FAM50B: variants seen among roughly 807,000 people sequenced by gnomAD.
FAM50B encodes protein FAM50B.
A neutral mutation model predicts 25.4 loss-of-function variants in FAM50B; 9 were observed. The observed-to-expected ratio is 0.35, with a 90% CI of 0.21 to 0.62. The LOEUF is 0.62. FAM50B is among the 20% of genes least tolerant of loss of function. FAM50B has a pLI of 0.73. For missense variants in FAM50B, 372 were observed against 477.9 expected, an observed-to-expected ratio of 0.78 and a Z score of 2.07; for synonymous variants, 212 against 204.3, an observed-to-expected ratio of 1.04 and a Z score of -0.32.
chr6:3,843,466 A>C, the FAM50B span, among the ~76,000 whole-genome samples: 1 of 152,244 alleles, frequency 6.6e-6, no homozygotes, highest in African/African-American at 2.4e-5. Context: ...ATGAAAGAAA[A>C]AAATGAGGTC....
At chr6:3,849,754 C>T in intron 1 of FAM50B, 35 bp from the exon 2 acceptor site, 11 of 1,528,552 alleles carry the variant, frequency 7.2e-6, no homozygotes, top group South Asian at 1.3e-5. Context: ...GCGTGGGCCC[C>T]CCTCTACCTG....
upstream of FAM50B, among the ~76,000 whole-genome samples, chr6:3,849,146 C>T (rs1762161914): frequency 6.6e-6 from 1 of 152,156 alleles, no homozygotes; most frequent in South Asian, 2.1e-4. Flanking sequence ...AACAGGAGCC[C>T]CGGCCAGCCA....
At chr6:3,841,937 T>A in the FAM50B span, among the ~76,000 whole-genome samples, 1 of 152,352 alleles carries the variant, frequency 6.6e-6, no homozygotes, top group East Asian at 1.9e-4. Context: ...TTCTGCCAGG[T>A]GCTCAGTGTT....
the FAM50B span, among the ~76,000 whole-genome samples, chr6:3,841,511 A>C: frequency 3.3e-5 from 5 of 152,218 alleles, no homozygotes; most frequent in African/African-American, 1.2e-4. Flanking sequence ...CATAGAGTCA[A>C]ACAGCACATT....
rs997731871 is a variant in FAM50B, at chr6:3,850,338, A to G, written c.527A>G (p.Gln176Arg). Residue 176 changes from glutamine to arginine, a missense_variant, in exon 2 of 2, where the codon CAG becomes CGG. Gln to Arg is a conservative substitution (Grantham distance 43). Around this residue, in one of 4 missense-constraint regions of FAM50B, gnomAD observed 224 missense variants for 232.2 expected, o/e 0.96. Transcript: ENST00000648326. The stretch of plus-strand genomic sequence containing the variant: ...GAGCTGCGCCAAGAGTGGGAGGCGC[A>G]GCGCGAGAAAGTGAAGGACGAGGAG... ...REELRQEWEA[Q>R]REKVKDEEME... is the part of the protein sequence containing the mutation. 1.9e-6 allele frequency: 3 copies of G among 1,613,176 alleles called. No individual in the cohort carries two copies. The highest frequency in any genetic ancestry group is 2.7e-5 in the African/African-American group (2 of 74,936).
the FAM50B span, among the ~76,000 whole-genome samples, chr6:3,832,491 T>C: frequency 6.6e-6 from 1 of 152,242 alleles, no homozygotes; most frequent in Non-Finnish European, 1.5e-5. Context: ...AGAATGCCTC[T>C]TCTCACTGCC....
the FAM50B span, among the ~76,000 whole-genome samples, chr6:3,838,211 C>G: frequency 6.6e-6 from 1 of 151,990 alleles, no homozygotes; most frequent in Non-Finnish European, 1.5e-5. Flanking sequence ...TTTGGGAGGC[C>G]AAGGCAGGAG....
chr6:3,837,202 C>T, the FAM50B span, among the ~76,000 whole-genome samples: 1 of 152,110 alleles, frequency 6.6e-6, no homozygotes, highest in Non-Finnish European at 1.5e-5. Flanking sequence ...ATATCAAAAG[C>T]ATGATCCATA....
At chr6:3,841,085 G>T in the FAM50B span, among the ~76,000 whole-genome samples, 1 of 152,212 alleles carries the variant, frequency 6.6e-6, no homozygotes, top group African/African-American at 2.4e-5. Flanking sequence ...ATACAAGTCT[G>T]CAGATAGTTA....
the FAM50B span, among the ~76,000 whole-genome samples, chr6:3,832,667 C>A: frequency 6.6e-5 from 10 of 152,112 alleles, no homozygotes; most frequent in Non-Finnish European, 1.5e-4. Flanking sequence ...GTTTTCCCCA[C>A]CCCACAGTTC....
chr6:3,836,622 TAG>T, the FAM50B span, among the ~76,000 whole-genome samples: 1 of 152,250 alleles, frequency 6.6e-6, no homozygotes, highest in Non-Finnish European at 1.5e-5. Context: ...GGCTGTGTGT[TAG>T]TAGACTCTCG....
upstream of FAM50B, among the ~76,000 whole-genome samples, chr6:3,847,401 T>C (rs1273415129): frequency 6.6e-6 from 1 of 152,276 alleles, no homozygotes; most frequent in Non-Finnish European, 1.5e-5. Flanking sequence ...TTGCACTTTA[T>C]GTTATAGAGG....
the FAM50B span, among the ~76,000 whole-genome samples, chr6:3,843,043 A>T: frequency 6.6e-6 from 1 of 152,334 alleles, no homozygotes; most frequent in South Asian, 2.1e-4. Flanking sequence ...CATTCTATTT[A>T]TAATTAGGAT....
upstream of FAM50B, among the ~76,000 whole-genome samples, chr6:3,848,172 C>T (rs1762143749): frequency 6.6e-6 from 1 of 152,226 alleles, no homozygotes; most frequent in African/African-American, 2.4e-5. Flanking sequence ...CCAGTAGGCG[C>T]TTGACGCTGT....
rs370896067 is a variant in FAM50B at position 3,850,278 on chromosome 6, G to A, written c.467G>A (p.Arg156His). ...PDVDTSFLPDRDREEEENRLR... is the reference protein window; with the variant it reads ...PDVDTSFLPDHDREEEENRLR... ...GTGGACACCAGCTTCCTGCCAGACC[G>A]CGACCGCGAGGAGGAGGAGAACCGG... The change falls in exon 2 of 2, where the codon CGC (arginine) becomes CAC (histidine). Residue 156 changes from arginine (R) to histidine (H), a missense_variant. By Grantham distance (29) the Arg-to-His change is conservative. This residue lies in a region of FAM50B where 224 missense variants were observed against 232.2 expected (regional missense o/e 0.96). Transcript: ENST00000648326. The A allele has an allele frequency of 5.6e-6, 9 of 1,612,944 alleles. No individual in the cohort carries two copies. Among genetic ancestry groups the A allele is most frequent in the African/African-American group, 2.7e-5 (2 of 74,940 alleles).
At chr6:3,841,078 C>T in the FAM50B span, among the ~76,000 whole-genome samples, 12 of 152,168 alleles carry the variant, frequency 7.9e-5, no homozygotes, top group African/African-American at 2.9e-4. Context: ...ACAAAAAATA[C>T]AAGTCTGCAG....
chr6:3,845,109 T>G (rs907719906), upstream of FAM50B, among the ~76,000 whole-genome samples: 4 of 152,220 alleles, frequency 2.6e-5, no homozygotes, highest in Non-Finnish European at 5.9e-5. Context: ...CTTAAAGCAG[T>G]AGCTTTTAGT....
the FAM50B span, among the ~76,000 whole-genome samples, chr6:3,832,826 T>A: frequency 1.3e-5 from 2 of 152,202 alleles, no homozygotes; most frequent in Admixed American, 1.3e-4. Context: ...CACCCTTATG[T>A]TGAATAGCTA....
At position 3,849,832 on chromosome 6, in the gene FAM50B, C is replaced by T; in HGVS notation, c.21C>T (p.Thr7=). 1 of 1,611,410 alleles carries T rather than the reference C, an allele frequency of 6.2e-7. No homozygotes were observed. The highest frequency in any genetic ancestry group is 8.5e-7 in the Non-Finnish European group (1 of 1,178,872). MAQYKG[T]MREAGRAMHL... ...GGGCCATGGCGCAGTACAAGGGCACCATGCGCGAGGCAGGCCGTGCCATGC... is the reference window on the plus strand; with the variant it reads ...GGGCCATGGCGCAGTACAAGGGCACTATGCGCGAGGCAGGCCGTGCCATGC... Residue 7 remains threonine (T), a synonymous_variant, in exon 2 of 2, where the codon ACC becomes ACT. Transcript: ENST00000648326.
Sources: allele counts gnomAD v4.1 joint callset (sites outside exome capture counted in the v4.1 genomes callset), GRCh38; gene constraint gnomAD v4.1.1; regional missense constraint gnomAD v4.1.1; transcripts MANE v1.5; gene names NCBI Gene and HGNC (gene_info 2026-07-23, HGNC 2026-07-21).